The following SYNE2 variants were observed in gnomAD, a reference collection of about 807,000 sequenced individuals.
The protein encoded by SYNE2 is nesprin-2.
A neutral mutation model predicts 856.3 loss-of-function variants in SYNE2; 431 were observed. The observed-to-expected ratio is 0.50, with a 90% CI of 0.47 to 0.55. SYNE2 has a LOEUF of 0.55. SYNE2 is among the 20% of genes least tolerant of loss of function. The pLI is 0.00. For missense variants in SYNE2, 8,129 were observed against 8,023.2 expected, an observed-to-expected ratio of 1.01 and a Z score of -0.50; for synonymous variants, 2,923 against 2,872.3, an observed-to-expected ratio of 1.02 and a Z score of -0.56.
intron 2 of SYNE2, among the ~76,000 whole-genome samples, chr14:63,932,955 A>G (rs2095784104): frequency 6.6e-6 from 1 of 152,176 alleles, no homozygotes; most frequent in Non-Finnish European, 1.5e-5. Context: ...CCAAGTTACA[A>G]ATGACCTGGA....
At position 64,098,907 on chromosome 14, in the gene SYNE2, C is replaced by T. The variant is rs1273423801; in HGVS notation, c.12381+86C>T. 6 of 1,316,648 alleles carry T rather than the reference C, an allele frequency of 4.6e-6. No individual in the cohort carries two copies. The Admixed American group carries it at 7.7e-5, about 17-fold the overall frequency. 81.6% of individuals were successfully genotyped at this position (1,316,648 alleles called of 1,614,324 possible). A position where few individuals can be genotyped will look rare whatever the true frequency, so the allele number is the denominator to read the frequency against. The stretch of plus-strand genomic sequence containing the variant: ...GAAAAGATCTTAAAGTGAATGGAAA[C>T]CTAAGAATTTTTAAAATTAATGTTG... On this transcript the variant is annotated intron_variant, in intron 63 of 115. Transcript: ENST00000555002.
chr14:63,869,483 G>A lies in SYNE2; in HGVS notation c.-52+16340G>A, dbSNP rs577598230. Among the ~76,000 whole-genome samples the A allele has an allele frequency of 1.3e-3, 195 of 151,740 alleles. 1 individual carries two copies. The highest frequency in any genetic ancestry group is 4.4e-3 in the African/African-American group (184 of 41,394). On this transcript the variant is annotated intron_variant, in intron 1 of 115. Transcript: ENST00000555002. ...CTAAAAATACAAAAATTAGCCGGGC[G>A]TGGTGGCGGGCACCTGTAATCCCAG...
Position 64,162,199 on chromosome 14 carries a change from T to C in SYNE2, c.16222T>C (p.Phe5408Leu). ...AAGGCTGAAGCAGCAGGAAGCAAAG[T>C]TTCAACAGCTCGCAAACATCAGCAT... The part of the protein sequence containing the change: ...AARLKQQEAK[F>L]QQLANISMSG... The change falls in exon 88 of 116, where the codon TTT becomes CTT. Residue 5408 changes from phenylalanine (F) to leucine (L), a missense_variant. By Grantham distance (22) the Phe-to-Leu change is conservative (BLOSUM62 0). Around this residue, in one of 3 missense-constraint regions of SYNE2, gnomAD observed 5,410 missense variants for 5,284.8 expected, o/e 1.02. Coordinates refer to ENST00000555002, the MANE Select transcript of SYNE2 (RefSeq NM_182914.3). 1 of 1,614,160 alleles carries C rather than the reference T, an allele frequency of 6.2e-7. No individual in the cohort carries two copies. Among genetic ancestry groups the C allele is most frequent in the Non-Finnish European group, 8.5e-7 (1 of 1,180,026 alleles).
Position 64,076,046 on chromosome 14 carries a change from G to T in SYNE2, c.10968G>T (p.Glu3656Asp). ...AAATGTACACCATAGTCCCTGCAGAGATTGAATCCCAGGTGGAAGAATGCA... is the reference window on the plus strand; with the variant it reads ...AAATGTACACCATAGTCCCTGCAGATATTGAATCCCAGGTGGAAGAATGCA... ...YSEMYTIVPA[E>D]IESQVEECRK... is the part of the protein sequence containing the mutation. Residue 3656 changes from glutamate to aspartate, a missense_variant, in exon 54 of 116, where the codon GAG becomes GAT. Around this residue, in one of 3 missense-constraint regions of SYNE2, gnomAD observed 5,410 missense variants for 5,284.8 expected, o/e 1.02. Coordinates refer to ENST00000555002, the MANE Select transcript of SYNE2 (RefSeq NM_182914.3). The T allele has an allele frequency of 1.2e-6, 2 of 1,613,942 alleles. No homozygotes were observed. Among genetic ancestry groups the T allele is most frequent in the Non-Finnish European group, 1.7e-6 (2 of 1,179,874 alleles).
chr14:63,986,736 A>G, intron 19 of SYNE2, 119 bp downstream of exon 19: 1 of 1,153,444 alleles, frequency 8.7e-7, no homozygotes, highest in Non-Finnish European at 1.3e-6. Flanking sequence ...CTTTGTTGGG[A>G]GTTTTAAAAA....
At chr14:63,823,516 C>A (rs60646866) in intron 1 of SYNE2, among the ~76,000 whole-genome samples, 3 of 151,794 alleles carry the variant, frequency 2.0e-5, no homozygotes, top group Non-Finnish European at 4.4e-5. Context: ...AACACCTGTA[C>A]TTCACAAACT....
At chr14:64,022,693 T>A in intron 37 of SYNE2, 58 bp from the exon 38 acceptor site, 1 of 898,232 alleles carries the variant, frequency 1.1e-6, no homozygotes, top group Non-Finnish European at 1.8e-6. Flanking sequence ...ATCTCTCACT[T>A]TAACAAGATG....
rs780980178 is a variant in SYNE2 at position 64,070,819 on chromosome 14, A to G, written c.10606A>G (p.Arg3536Gly). 2 of 1,614,240 alleles carry G rather than the reference A, an allele frequency of 1.2e-6. No individual in the cohort carries two copies. Among genetic ancestry groups the G allele is most frequent in the African/African-American group, 1.3e-5 (1 of 75,080 alleles). The change falls in exon 52 of 116, where the codon AGA (arginine) becomes GGA (glycine). Residue 3536 changes from arginine (R) to glycine (G), a missense_variant. Around this residue, in one of 3 missense-constraint regions of SYNE2, gnomAD observed 5,410 missense variants for 5,284.8 expected, o/e 1.02. Transcript: ENST00000555002. ...ACTGACTCTACTTCTTCAGCGCATC[A>G]GAAGTATCCAGAATGTTCCTGAAAG... is the stretch of plus-strand genomic sequence containing the variant. The part of the protein sequence containing the change: ...LLLTLLLQRI[R>G]SIQNVPESSG...
intron 43 of SYNE2, among the ~76,000 whole-genome samples, chr14:64,028,367 C>G (rs1184457149): frequency 1.3e-5 from 2 of 152,036 alleles, no homozygotes; most frequent in Non-Finnish European, 2.9e-5. Context: ...GCGATCCTCC[C>G]ACCTCAGCCT....
intron 11 of SYNE2, among the ~76,000 whole-genome samples, chr14:63,973,209 T>G (rs34846154): frequency 0.081 from 12,248 of 152,094 alleles, 547 homozygotes; most frequent in Admixed American, 0.11. Context: ...AGCCGAGATA[T>G]GTATCTAGCC....
rs374724853 is a variant in SYNE2, at chr14:63,833,717, T to C, written c.-304-18784T>C. Reference sequence around the variant, plus strand: ...ACAATGTGCTTTGTACCCTTCCTTATACTTTTAACCTAATATTTCTAAAAC... The same window carrying C: ...ACAATGTGCTTTGTACCCTTCCTTACACTTTTAACCTAATATTTCTAAAAC... On this transcript the variant is annotated intron_variant, in intron 1 of 23. Transcript: ENST00000674003. 3.1e-4 allele frequency among the ~76,000 whole-genome samples: 47 copies of C among 152,350 alleles called. 1 individual carries two copies. The South Asian group carries it at 9.1e-3, about 30-fold the overall frequency.
intron 1 of SYNE2, among the ~76,000 whole-genome samples, chr14:63,853,451 C>G (rs1038019794): frequency 1.5e-4 from 22 of 151,518 alleles, no homozygotes; most frequent in Non-Finnish European, 3.1e-4. Context: ...GGCCCCAGCC[C>G]GCCGGTCCGC....
chr14:64,030,907 G>A (rs1237749507), intron 44 of SYNE2, 109 bp from the exon 45 acceptor site: 6 of 896,226 alleles, frequency 6.7e-6, no homozygotes, highest in East Asian at 2.6e-5. Flanking sequence ...GAGTTGTTAA[G>A]TTTTTAAATA....
chr14:64,140,153 A>G (rs1348246520), intron 80 of SYNE2, 80 bp downstream of exon 80: 1 of 1,406,172 alleles, frequency 7.1e-7, no homozygotes. Flanking sequence ...TTGATGTGAT[A>G]GTCTTCGTAT....
intron 1 of SYNE2, among the ~76,000 whole-genome samples, chr14:63,868,684 T>C (rs1397364520): frequency 6.6e-6 from 1 of 151,892 alleles, no homozygotes; most frequent in African/African-American, 2.4e-5. Flanking sequence ...GAATGGAAAA[T>C]GAAAGTAATA....
chr14:64,149,160 C>A lies in SYNE2; in HGVS notation c.15639+2937C>A, dbSNP rs77232464. Among the ~76,000 whole-genome samples the A allele has an allele frequency of 6.6e-3, 1,001 of 151,596 alleles. 12 individuals carry two copies. The highest frequency in any genetic ancestry group is 0.014 in the South Asian group (65 of 4,802). On this transcript the variant is annotated intron_variant, in intron 84 of 115. Transcript: ENST00000555002. ...TCTCTACCAAAAAAAAAAAAGTTATCTGGGCATAGTGTTGCACACCTGTAA... is the reference window on the plus strand; with the variant it reads ...TCTCTACCAAAAAAAAAAAAGTTATATGGGCATAGTGTTGCACACCTGTAA...
Position 64,024,363 on chromosome 14 carries a change from G to C in SYNE2, c.5744G>C (p.Ser1915Thr), listed in dbSNP as rs781228303. The C allele has an allele frequency of 6.2e-7, 1 of 1,614,194 alleles. No homozygotes were observed. Among genetic ancestry groups the C allele is most frequent in the Non-Finnish European group, 8.5e-7 (1 of 1,180,018 alleles). Residue 1915 changes from serine (S) to threonine (T), a missense_variant, in exon 39 of 116, where the codon AGT becomes ACT. By Grantham distance (58) the Ser-to-Thr change is moderately conservative. Transcript: ENST00000555002. The stretch of plus-strand genomic sequence containing the variant: ...AAAGCACATGTGAAGGAGCTTATCA[G>C]TTGGCTCGTGGGTCAGGAATTCGAA... ...LPKAHVKELI[S>T]WLVGQEFELE...
intron 45 of SYNE2, among the ~76,000 whole-genome samples, chr14:64,042,318 T>C (rs556686587): frequency 6.6e-5 from 10 of 152,296 alleles, no homozygotes; most frequent in Admixed American, 2.0e-4. Flanking sequence ...TATAAAAGTG[T>C]GTGTATAGAC....
At chr14:64,108,654 G>T (rs1039413039) in intron 65 of SYNE2, among the ~76,000 whole-genome samples, 1 of 151,894 alleles carries the variant, frequency 6.6e-6, no homozygotes, top group African/African-American at 2.4e-5. Flanking sequence ...TTCTATTTAT[G>T]TTTTTTTCTC....
Sources: allele counts gnomAD v4.1 joint callset (sites outside exome capture counted in the v4.1 genomes callset), GRCh38; gene constraint gnomAD v4.1.1; regional missense constraint gnomAD v4.1.1; transcripts MANE v1.5; gene names NCBI Gene and HGNC (gene_info 2026-07-23, HGNC 2026-07-21).